The following GALK2 variants were observed in gnomAD, a reference collection of about 807,000 sequenced individuals.
GALK2 encodes the protein galactokinase 2.
A neutral mutation model predicts 52.4 loss-of-function variants in GALK2; 36 were observed. The ratio of observed to expected loss-of-function variants is 0.69; its 90% confidence interval spans 0.53 to 0.91. GALK2 has a LOEUF of 0.91. Ranked by LOEUF, GALK2 falls within the 40% of genes least tolerant of loss-of-function variation. The pLI, the probability that GALK2 is intolerant of heterozygous loss-of-function variation, is 0.00. For synonymous variants in GALK2, 176 were observed against 199.1 expected (o/e 0.88, Z 0.98); for missense variants, 579 against 559.1 (o/e 1.04, Z -0.36).
upstream of GALK2, among the ~76,000 whole-genome samples, chr15:49,168,736 T>C (rs1316380367): frequency 6.7e-6 from 1 of 148,444 alleles, no homozygotes; most frequent in Non-Finnish European, 1.5e-5. Flanking sequence ...AAAAAAAAGA[T>C]TCTGTTCTTT....
chr15:49,215,097 A>G (rs1346618885), intron 2 of GALK2, among the ~76,000 whole-genome samples: 1 of 152,168 alleles, frequency 6.6e-6, no homozygotes, highest in Non-Finnish European at 1.5e-5. Context: ...TACTAGACAT[A>G]TTGGAGCCCC....
chr15:49,197,563 G>A (rs1186319406), intron 1 of GALK2, among the ~76,000 whole-genome samples: 1 of 152,060 alleles, frequency 6.6e-6, no homozygotes, highest in Non-Finnish European at 1.5e-5. Context: ...TATTCACATA[G>A]CATGAAGGTA....
intron 8 of GALK2, among the ~76,000 whole-genome samples, chr15:49,311,180 C>T (rs2035960476): frequency 6.6e-6 from 1 of 152,080 alleles, no homozygotes; most frequent in African/African-American, 2.4e-5. Context: ...AATTTTTAAC[C>T]AGGATTCAAC....
chr15:49,262,328 T>C (rs2092152453), intron 5 of GALK2, among the ~76,000 whole-genome samples: 2 of 152,244 alleles, frequency 1.3e-5, no homozygotes. Context: ...TTTATCCATT[T>C]CTTCTGGATT....
chr15:49,286,915 C>T (rs952988787), intron 7 of GALK2, among the ~76,000 whole-genome samples: 5 of 152,120 alleles, frequency 3.3e-5, no homozygotes, highest in Non-Finnish European at 7.3e-5. Context: ...ATTAGATATC[C>T]TCTACCAGAT....
intron 2 of GALK2, among the ~76,000 whole-genome samples, chr15:49,207,406 A>G (rs2088387952): frequency 6.6e-6 from 1 of 152,168 alleles, no homozygotes; most frequent in African/African-American, 2.4e-5. Flanking sequence ...TATCTTGTGG[A>G]ATACTGTGAA....
intron 3 of GALK2, among the ~76,000 whole-genome samples, chr15:49,354,504 G>A (rs921599201): frequency 3.3e-5 from 5 of 152,306 alleles, no homozygotes; most frequent in South Asian, 2.1e-4. Context: ...CTGGAAAATC[G>A]TGTCACTCCC....
In GALK2 at chr15:49,258,708, G is replaced by A. The variant is rs924281896; in HGVS notation, c.504+19341G>A. On this transcript the variant is annotated intron_variant, in intron 5 of 9. Transcript: ENST00000560031. ...TGTAGTGAAAAAGCAAGTAGAAAAT[G>A]AGAAGGGTTTAGAATTCTGGTCTGT... is the stretch of plus-strand genomic sequence containing the variant. 2.0e-5 allele frequency among the ~76,000 whole-genome samples: 3 copies of A among 151,602 alleles called. No homozygotes were observed. The East Asian group carries it at 5.8e-4, about 29-fold the overall frequency.
At chr15:49,272,566 A>G (rs1295840521) in intron 5 of GALK2, among the ~76,000 whole-genome samples, 1 of 152,190 alleles carries the variant, frequency 6.6e-6, no homozygotes, top group Non-Finnish European at 1.5e-5. Flanking sequence ...TTGGAGTAGC[A>G]GAGTATACTG....
At chr15:49,200,217 C>G (rs1168355880) in intron 1 of GALK2, among the ~76,000 whole-genome samples, 3 of 152,064 alleles carry the variant, frequency 2.0e-5, no homozygotes, top group Non-Finnish European at 2.9e-5. Flanking sequence ...TGAGGAATAT[C>G]TAGTTCAAAT....
intron 1 of GALK2, 71 bp downstream of exon 1, chr15:49,170,446 T>C: frequency 6.8e-7 from 1 of 1,465,902 alleles, no homozygotes; most frequent in Middle Eastern, 2.4e-4. Context: ...CCACAGCACT[T>C]GGCTCCTCCC....
At chr15:49,215,957 G>A (rs2089331954) in intron 2 of GALK2, among the ~76,000 whole-genome samples, 1 of 152,210 alleles carries the variant, frequency 6.6e-6, no homozygotes, top group Non-Finnish European at 1.5e-5. Context: ...TCGGCACAAG[G>A]AGGTGCTCTA....
chr15:49,213,696 A>G (rs1480705421), intron 2 of GALK2, among the ~76,000 whole-genome samples: 1 of 152,152 alleles, frequency 6.6e-6, no homozygotes, highest in East Asian at 1.9e-4. Context: ...TATAGTTATA[A>G]GGTACAGACT....
chr15:49,173,983 T>C (rs2085274839), intron 1 of GALK2, among the ~76,000 whole-genome samples: 1 of 152,134 alleles, frequency 6.6e-6, no homozygotes, highest in Non-Finnish European at 1.5e-5. Flanking sequence ...CCTCAAGTGA[T>C]CCACCCGCCT....
At chr15:49,246,663 G>A (rs1212926222) in intron 5 of GALK2, among the ~76,000 whole-genome samples, 1 of 152,138 alleles carries the variant, frequency 6.6e-6, no homozygotes, top group African/African-American at 2.4e-5. Flanking sequence ...AATATGAATT[G>A]GACATAAAAC....
At position 49,329,559 on chromosome 15, in the gene GALK2, T is replaced by C. The variant is rs563682553; in HGVS notation, c.*1400T>C. On this transcript the variant is annotated 3_prime_UTR_variant, in exon 10 of 10. Coordinates refer to ENST00000560031, the MANE Select transcript of GALK2 (RefSeq NM_002044.4). The stretch of plus-strand genomic sequence containing the variant: ...TTTCTTAAAGGATAACAGTCATACA[T>C]AGAATACTAGGAAAGCCAATATTCT... The C allele has an allele frequency of 2.8e-5, 28 of 984,888 alleles. No individual in the cohort carries two copies. The South Asian group carries it at 9.4e-4, about 33-fold the overall frequency. 61.0% of individuals were successfully genotyped at this position (984,888 alleles called of 1,614,324 possible).
intron 5 of GALK2, among the ~76,000 whole-genome samples, chr15:49,249,213 C>T (rs1296162639): frequency 6.6e-6 from 1 of 152,156 alleles, no homozygotes; most frequent in Non-Finnish European, 1.5e-5. Flanking sequence ...AGAAGTGTTT[C>T]TCATTTATTT....
intron 8 of GALK2, among the ~76,000 whole-genome samples, chr15:49,298,467 G>C (rs2034676957): frequency 6.6e-6 from 1 of 152,058 alleles, no homozygotes; most frequent in Admixed American, 6.6e-5. Flanking sequence ...GAATAGGTGA[G>C]AATGGGAATC....
intron 4 of GALK2, among the ~76,000 whole-genome samples, chr15:49,237,188 G>A (rs1235004250): frequency 6.6e-6 from 1 of 152,154 alleles, no homozygotes; most frequent in Non-Finnish European, 1.5e-5. Flanking sequence ...AGCATTTCAG[G>A]TTTTAAAGCC....
Sources: gnomAD v4.1 joint callset for allele counts (sites outside exome capture counted in the v4.1 genomes callset) on GRCh38, gnomAD v4.1.1 for gene constraint, MANE v1.5 for transcripts, NCBI Gene and HGNC (gene_info 2026-07-23, HGNC 2026-07-21) for gene names.